ST8SIA1: variants seen among roughly 807,000 people sequenced by gnomAD.
ST8SIA1 encodes alpha-N-acetylneuraminide alpha-2,8-sialyltransferase.
A neutral mutation model predicts 35.9 loss-of-function variants in ST8SIA1; 16 were observed. The observed-to-expected ratio is 0.45, with a 90% CI of 0.30 to 0.68. ST8SIA1 has a LOEUF of 0.68. Among genes scored for constraint, ST8SIA1 ranks in the 30% least tolerant of loss-of-function variants. The pLI, the probability that ST8SIA1 is intolerant of heterozygous loss-of-function variation, is 0.09. For missense variants in ST8SIA1, 383 were observed against 453.6 expected (o/e 0.84, Z 1.41); for synonymous variants, 170 against 169.6 (o/e 1.00, Z -0.02).
intron 4 of ST8SIA1, among the ~76,000 whole-genome samples, chr12:22,219,429 A>G (rs1565569933): frequency 6.6e-6 from 1 of 152,136 alleles, no homozygotes; most frequent in Non-Finnish European, 1.5e-5. Context: ...CAGCAGTGGA[A>G]GGGAGCACCA....
Position 22,201,712 on chromosome 12 carries a change from T to C in ST8SIA1, c.911A>G (p.Glu304Gly). Reference sequence around the variant, plus strand: ...ATAGTAGTGGTGGCTGATGGGCTGCTCATGCATATTCACAGAGAAGGGCCA... The same window carrying C: ...ATAGTAGTGGTGGCTGATGGGCTGCCCATGCATATTCACAGAGAAGGGCCA... ...GFWPFSVNMHEQPISHHYYDN... is the reference protein window; with the variant it reads ...GFWPFSVNMHGQPISHHYYDN... Residue 304 changes from glutamate to glycine, a missense_variant, in exon 5 of 5, where the codon GAG becomes GGG. Transcript: ENST00000396037. The C allele has an allele frequency of 6.2e-7, 1 of 1,614,092 alleles. No individual in the cohort carries two copies. The highest frequency in any genetic ancestry group is 8.5e-7 in the Non-Finnish European group (1 of 1,179,974).
intron 1 of ST8SIA1, among the ~76,000 whole-genome samples, chr12:22,330,777 T>C (rs969722938): frequency 6.6e-6 from 1 of 152,228 alleles, no homozygotes; most frequent in African/African-American, 2.4e-5. Flanking sequence ...ATTGTTACCA[T>C]GTCAGGTGCC....
intron 1 of ST8SIA1, among the ~76,000 whole-genome samples, chr12:22,305,155 C>T (rs1008755608): frequency 6.6e-6 from 1 of 152,068 alleles, no homozygotes; most frequent in East Asian, 1.9e-4. Flanking sequence ...TATTTATGTG[C>T]TGTGTACACA....
chr12:22,238,438 G>A (rs1466748435), intron 4 of ST8SIA1, among the ~76,000 whole-genome samples: 1 of 151,328 alleles, frequency 6.6e-6, no homozygotes, highest in African/African-American at 2.4e-5. Flanking sequence ...AGAAAGCCCT[G>A]AGACTACACA....
intron 4 of ST8SIA1, among the ~76,000 whole-genome samples, chr12:22,240,772 G>A (rs1338767309): frequency 1.3e-5 from 2 of 152,020 alleles, no homozygotes; most frequent in Non-Finnish European, 2.9e-5. Context: ...ATTAAACTTA[G>A]AGGCACTAAC....
chr12:22,202,162 CT>C (rs1865055406), intron 4 of ST8SIA1, 124 bp from the exon 5 acceptor site: 1 of 824,460 alleles, frequency 1.2e-6, no homozygotes. Flanking sequence ...ATGAAAAACA[CT>C]TTATTTGTAT....
At position 22,256,199 on chromosome 12, in the gene ST8SIA1, T is replaced by A. The variant is rs184418734; in HGVS notation, c.382-810A>T. On this transcript the variant is annotated intron_variant, in intron 2 of 4. Coordinates refer to ENST00000396037, the MANE Select transcript of ST8SIA1 (RefSeq NM_003034.4). ...CACTCTGGGTGGGTCTGTCTAGAGCTTAGGACCCACTAAGGGGCAAGTGAC... is the reference window on the plus strand; with the variant it reads ...CACTCTGGGTGGGTCTGTCTAGAGCATAGGACCCACTAAGGGGCAAGTGAC... Among the ~76,000 whole-genome samples the A allele has an allele frequency of 3.9e-5, 6 of 152,298 alleles. No individual in the cohort carries two copies. The East Asian group carries it at 1.2e-3, about 29-fold the overall frequency.
At chr12:22,294,342 A>T (rs1866217154) in intron 1 of ST8SIA1, among the ~76,000 whole-genome samples, 2 of 152,286 alleles carry the variant, frequency 1.3e-5, no homozygotes, top group South Asian at 2.1e-4. Flanking sequence ...AGTAGGTAAC[A>T]TCATTGACCT....
intron 1 of ST8SIA1, 99 bp from the exon 2 acceptor site, chr12:22,287,392 G>T: frequency 2.4e-6 from 3 of 1,234,230 alleles, no homozygotes; most frequent in Non-Finnish European, 3.3e-6. Flanking sequence ...CCTTACCTCA[G>T]TGCCAGCTCA....
chr12:22,280,953 A>G (rs190258977), intron 2 of ST8SIA1, among the ~76,000 whole-genome samples: 1 of 152,386 alleles, frequency 6.6e-6, no homozygotes, highest in Non-Finnish European at 1.5e-5. Context: ...AAATATAATG[A>G]AACAAAGACT....
At chr12:22,311,646 C>A (rs923368812) in intron 1 of ST8SIA1, among the ~76,000 whole-genome samples, 9 of 152,024 alleles carry the variant, frequency 5.9e-5, no homozygotes, top group African/African-American at 2.2e-4. Flanking sequence ...TTTATAATTT[C>A]CTTATTGCTG....
intron 2 of ST8SIA1, among the ~76,000 whole-genome samples, chr12:22,259,154 T>C (rs765856674): frequency 3.1e-4 from 47 of 152,182 alleles, no homozygotes; most frequent in Non-Finnish European, 6.6e-4. Flanking sequence ...TCACGGTTTC[T>C]GTAGAACACG....
intron 4 of ST8SIA1, chr12:22,223,886 T>C: frequency 9.3e-6 from 9 of 963,456 alleles, no homozygotes; most frequent in South Asian, 2.6e-5. Context: ...TTCTGTTATA[T>C]CTTCTTTTGC....
At chr12:22,328,263 T>C (rs1434284193) in intron 1 of ST8SIA1, among the ~76,000 whole-genome samples, 3 of 152,206 alleles carry the variant, frequency 2.0e-5, no homozygotes, top group Non-Finnish European at 4.4e-5. Context: ...AAATATTTGT[T>C]GACCAATTGG....
intron 2 of ST8SIA1, among the ~76,000 whole-genome samples, chr12:22,256,553 C>T (rs1865730259): frequency 6.6e-6 from 1 of 152,136 alleles, no homozygotes; most frequent in African/African-American, 2.4e-5. Context: ...TCCAAAAGAA[C>T]AAATCCAATA....
intron 4 of ST8SIA1, among the ~76,000 whole-genome samples, chr12:22,226,186 G>T (rs1412580735): frequency 6.6e-6 from 1 of 152,050 alleles, no homozygotes; most frequent in Non-Finnish European, 1.5e-5. Context: ...CTCAGCCCTC[G>T]TATTATATAT....
intron 3 of ST8SIA1, among the ~76,000 whole-genome samples, chr12:22,251,421 A>C (rs946595752): frequency 3.3e-5 from 5 of 152,338 alleles, no homozygotes; most frequent in Middle Eastern, 3.4e-3. Flanking sequence ...GAATGCTTAA[A>C]ACCATGAAGA....
chr12:22,323,374 G>A (rs756481092), intron 1 of ST8SIA1, among the ~76,000 whole-genome samples: 28 of 152,176 alleles, frequency 1.8e-4, no homozygotes, highest in Non-Finnish European at 3.8e-4. Context: ...AATCAAAGAT[G>A]CCAGATATAA....
chr12:22,253,809 G>C (rs1241211744), intron 3 of ST8SIA1, among the ~76,000 whole-genome samples: 1 of 152,048 alleles, frequency 6.6e-6, no homozygotes, highest in Non-Finnish European at 1.5e-5. Flanking sequence ...GGTATAGAAG[G>C]ATCTAGACTC....
Sources: allele counts gnomAD v4.1 joint callset (sites outside exome capture counted in the v4.1 genomes callset), GRCh38; gene constraint gnomAD v4.1.1; transcripts MANE v1.5; gene names NCBI Gene and HGNC (gene_info 2026-07-23, HGNC 2026-07-21).